GHR: variants seen among roughly 807,000 people sequenced by gnomAD.
GHR encodes the protein GH receptor.
A neutral mutation model predicts 67.1 loss-of-function variants in GHR; 35 were observed. That is an observed-to-expected ratio of 0.52 (90% CI 0.40 to 0.69). The LOEUF (loss-of-function observed/expected upper bound fraction) is 0.69, where lower values mean the gene tolerates loss of function less well. Among genes scored for constraint, GHR ranks in the 30% least tolerant of loss-of-function variants. GHR has a pLI of 0.00. For missense variants in GHR, 792 were observed against 764.6 expected, an observed-to-expected ratio of 1.04 and a Z score of -0.42; for synonymous variants, 272 against 269.1, an observed-to-expected ratio of 1.01 and a Z score of -0.10.
chr5:42,663,496 CAT>C (rs1377734236), intron 3 of GHR, among the ~76,000 whole-genome samples: 1 of 152,202 alleles, frequency 6.6e-6, no homozygotes, highest in African/African-American at 2.4e-5. Flanking sequence ...ACAAAAACCA[CAT>C]GATTATCTCA....
At chr5:42,551,946 T>C (rs1273859217) in intron 1 of GHR, among the ~76,000 whole-genome samples, 1 of 152,176 alleles carries the variant, frequency 6.6e-6, no homozygotes, top group East Asian at 1.9e-4. Context: ...GCATGAATGG[T>C]TTGGTACTGT....
intron 2 of GHR, among the ~76,000 whole-genome samples, chr5:42,599,089 C>T (rs1356994534): frequency 1.3e-5 from 2 of 152,164 alleles, no homozygotes; most frequent in Non-Finnish European, 2.9e-5. Flanking sequence ...AAATATTGGG[C>T]TCTTTACATG....
At chr5:42,654,541 C>G (rs957070110) in intron 3 of GHR, among the ~76,000 whole-genome samples, 1 of 152,060 alleles carries the variant, frequency 6.6e-6, no homozygotes, top group East Asian at 1.9e-4. Flanking sequence ...AAATGTGAGC[C>G]TCTAATTACC....
chr5:42,662,924 T>G (rs1436595418), intron 3 of GHR, among the ~76,000 whole-genome samples: 3 of 152,024 alleles, frequency 2.0e-5, no homozygotes, highest in African/African-American at 7.2e-5. Flanking sequence ...TCACCACTGA[T>G]CCCACAGAAA....
At chr5:42,668,449 A>T (rs1756105994) in intron 3 of GHR, among the ~76,000 whole-genome samples, 1 of 152,010 alleles carries the variant, frequency 6.6e-6, no homozygotes, top group African/African-American at 2.4e-5. Flanking sequence ...ATCACCCTTT[A>T]CCCCAGTCTT....
chr5:42,535,535 A>G (rs1008619899), intron 1 of GHR, among the ~76,000 whole-genome samples: 1 of 152,184 alleles, frequency 6.6e-6, no homozygotes, highest in Non-Finnish European at 1.5e-5. Flanking sequence ...TCATACCAAT[A>G]CCATGCTGTT....
At chr5:42,682,539 G>A (rs1018637534) in intron 3 of GHR, among the ~76,000 whole-genome samples, 5 of 152,160 alleles carry the variant, frequency 3.3e-5, no homozygotes, top group African/African-American at 1.2e-4. Context: ...ATGACACTAA[G>A]GAGTTGGACT....
At chr5:42,654,516 A>G (rs1048008236) in intron 3 of GHR, among the ~76,000 whole-genome samples, 3 of 152,128 alleles carry the variant, frequency 2.0e-5, no homozygotes, top group Non-Finnish European at 4.4e-5. Flanking sequence ...TAACATGAAT[A>G]TTACACTGTC....
chr5:42,548,481 A>T, intron 1 of GHR: 1 of 985,190 alleles, frequency 1.0e-6, no homozygotes. Context: ...CCTGGAGGAA[A>T]CAATACGAAA....
At chr5:42,640,504 G>GCC (rs1754413491) in intron 3 of GHR, among the ~76,000 whole-genome samples, 1 of 152,054 alleles carries the variant, frequency 6.6e-6, no homozygotes, top group African/African-American at 2.4e-5. Flanking sequence ...TCCTGGAAGA[G>GCC]TAGGACTTGC....
chr5:42,468,934 T>TGG (rs1370978338), intron 1 of GHR: 1 of 489,446 alleles, frequency 2.0e-6, no homozygotes, highest in Non-Finnish European at 3.7e-6. Context: ...AGCGCGTGCT[T>TGG]CAGCTCTTCC....
chr5:42,572,590 G>C (rs947903894), intron 2 of GHR, among the ~76,000 whole-genome samples: 1 of 152,160 alleles, frequency 6.6e-6, no homozygotes, highest in Non-Finnish European at 1.5e-5. Context: ...TTGGGGCTTA[G>C]AGCACTTCTT....
At chr5:42,700,522 G>A (rs1757884102) in intron 6 of GHR, among the ~76,000 whole-genome samples, 1 of 152,280 alleles carries the variant, frequency 6.6e-6, no homozygotes, top group South Asian at 2.1e-4. Context: ...TTCTTATGTA[G>A]GCAATTAGAG....
At chr5:42,716,176 A>C (rs1372376082) in intron 8 of GHR, among the ~76,000 whole-genome samples, 1 of 152,046 alleles carries the variant, frequency 6.6e-6, no homozygotes, top group Non-Finnish European at 1.5e-5. Context: ...AATCAAAAAA[A>C]AAAAAACAAA....
At chr5:42,602,608 T>C (rs1752433911) in intron 2 of GHR, among the ~76,000 whole-genome samples, 1 of 152,178 alleles carries the variant, frequency 6.6e-6, no homozygotes, top group African/African-American at 2.4e-5. Flanking sequence ...TCTTCTTCAG[T>C]GTTTTGTTGG....
intron 1 of GHR, among the ~76,000 whole-genome samples, chr5:42,516,937 T>C (rs1747263865): frequency 6.6e-6 from 1 of 152,198 alleles, no homozygotes; most frequent in Admixed American, 6.5e-5. Flanking sequence ...TGTGTAATTA[T>C]TTACCGGTGT....
At chr5:42,560,484 G>A (rs896589782) in intron 1 of GHR, among the ~76,000 whole-genome samples, 6 of 152,104 alleles carry the variant, frequency 3.9e-5, no homozygotes, top group South Asian at 4.2e-4. Flanking sequence ...AAGCCACCAC[G>A]CCTGGCCAAT....
intron 3 of GHR, among the ~76,000 whole-genome samples, chr5:42,669,902 A>C (rs1466077079): frequency 3.9e-5 from 6 of 152,224 alleles, no homozygotes; most frequent in African/African-American, 1.4e-4. Flanking sequence ...GAAAAGATAA[A>C]TATGTATGGA....
intron 2 of GHR, among the ~76,000 whole-genome samples, chr5:42,585,374 T>C (rs1018818110): frequency 6.6e-6 from 1 of 152,194 alleles, no homozygotes; most frequent in Non-Finnish European, 1.5e-5. Flanking sequence ...AAACAAATAG[T>C]CCTGTGTAAA....
Sources: allele counts gnomAD v4.1 joint callset (sites outside exome capture counted in the v4.1 genomes callset), GRCh38; gene constraint gnomAD v4.1.1; transcripts MANE v1.5; gene names NCBI Gene and HGNC (gene_info 2026-07-23, HGNC 2026-07-21).